ZNF333: variants seen among roughly 807,000 people sequenced by gnomAD.
ZNF333 encodes the protein zinc finger protein 333.
ZNF333 carries 61 observed loss-of-function variants against 76.1 expected under a neutral mutation model. The observed-to-expected ratio is 0.80, with a 90% CI of 0.65 to 0.99. The LOEUF is 0.99. Among genes scored for constraint, ZNF333 ranks in the 50% least tolerant of loss-of-function variants. The pLI is 0.00. For missense variants in ZNF333, 717 were observed against 822.4 expected (o/e 0.87, Z 1.57); for synonymous variants, 284 against 305.0 (o/e 0.93, Z 0.72).
intron 8 of ZNF333, 48 bp from the exon 9 acceptor site, chr19:14,716,064 A>G (rs1347518294): frequency 3.1e-6 from 5 of 1,609,842 alleles, no homozygotes; most frequent in East Asian, 2.2e-5. Flanking sequence ...CCTCTGGCGT[A>G]CTGGTGGGGG....
At chr19:14,708,121 C>T (rs191950978) in intron 7 of ZNF333, 817 of 391,706 alleles carry the variant, frequency 2.1e-3, no homozygotes, top group Non-Finnish European at 2.6e-3. Flanking sequence ...GATTTTCCTG[C>T]CTCAGCCTCC....
intron 2 of ZNF333, among the ~76,000 whole-genome samples, chr19:14,693,949 C>T (rs947150159): frequency 1.4e-5 from 2 of 144,922 alleles, no homozygotes; most frequent in Non-Finnish European, 3.0e-5. Context: ...CCCTGCACTC[C>T]AGCCTAAGCT....
At position 14,719,199 on chromosome 19, in the gene ZNF333, GA is replaced by G; in HGVS notation, c.1875del (p.Ala626ProfsTer48). 1 of 1,614,188 alleles carries G rather than the reference GA, an allele frequency of 6.2e-7. No homozygotes were observed. The highest frequency in any genetic ancestry group is 8.5e-7 in the Non-Finnish European group (1 of 1,180,038). Reference protein sequence around the residue: ...GRPYQCNQCEKAFRHSSSLTV... With the variant: ...GRPYQCNQCEXAFRHSSSLTV... ...GACCCTATCAATGTAATCAGTGTGA[GA>G]AAGCCTTCAGGCACAGCTCCTCACT... On this transcript the variant is annotated frameshift_variant, in exon 12 of 12. Transcript: ENST00000292530. LOFTEE classifies it high-confidence loss of function.
chr19:14,706,842 G>T (rs2042125225), intron 7 of ZNF333, 69 bp downstream of exon 7: 4 of 1,378,216 alleles, frequency 2.9e-6, no homozygotes, highest in Non-Finnish European at 4.1e-6. Flanking sequence ...CCAGGAACTT[G>T]TATCCTATCC....
chr19:14,701,463 A>T (rs1423237778), intron 5 of ZNF333: 2 of 546,394 alleles, frequency 3.7e-6, no homozygotes, highest in African/African-American at 2.1e-5. Flanking sequence ...CTCCCATTGC[A>T]GGGCATTCTG....
intron 11 of ZNF333, chr19:14,731,086 C>T: frequency 2.5e-6 from 3 of 1,206,994 alleles, no homozygotes; most frequent in Non-Finnish European, 3.5e-6. Flanking sequence ...ACCGCCCCTC[C>T]TGCCCCCTCC....
intron 5 of ZNF333, 121 bp downstream of exon 5, chr19:14,699,402 AC>A (rs778670273): frequency 6.9e-6 from 6 of 864,576 alleles, no homozygotes; most frequent in Non-Finnish European, 1.1e-5. Context: ...TGGAAGGGAA[AC>A]AGTGTCTGAG....
At chr19:14,706,349 A>G (rs976672622) in intron 6 of ZNF333, 8 of 388,952 alleles carry the variant, frequency 2.1e-5, no homozygotes, top group Non-Finnish European at 3.5e-5. Flanking sequence ...ACGCAGGTCC[A>G]CCTCCAAACT....
chr19:14,699,459 T>A, intron 5 of ZNF333, 178 bp downstream of exon 5: 1 of 548,114 alleles, frequency 1.8e-6, no homozygotes, highest in Non-Finnish European at 3.2e-6. Context: ...AGACTGTTGC[T>A]CAAGACTTTT....
intron 11 of ZNF333, among the ~76,000 whole-genome samples, chr19:14,730,690 G>T (rs146340787): frequency 1.6e-4 from 25 of 152,030 alleles, no homozygotes; most frequent in African/African-American, 5.8e-4. Context: ...AGATTCTGAG[G>T]GTACACGTTT....
At chr19:14,733,013 T>A (rs2042689846) in exon 12 of ZNF333, 1 of 152,210 alleles carries the variant, frequency 6.6e-6, no homozygotes, top group African/African-American at 2.4e-5. Context: ...GGGACCCACA[T>A]GTTCCAAGCC....
intron 7 of ZNF333, chr19:14,708,403 C>T (rs1371508026): frequency 7.5e-6 from 3 of 401,196 alleles, no homozygotes; most frequent in Non-Finnish European, 1.3e-5. Context: ...CCGACCCCTC[C>T]TCCGTGGAGC....
intron 7 of ZNF333, 60 bp downstream of exon 7, chr19:14,706,833 C>A: frequency 6.9e-7 from 1 of 1,449,302 alleles, no homozygotes; most frequent in Non-Finnish European, 9.6e-7. Flanking sequence ...GTGTTCTGTC[C>A]AGGAACTTGT....
intron 7 of ZNF333, chr19:14,715,132 T>C (rs2042389002): frequency 2.2e-6 from 1 of 449,754 alleles, no homozygotes; most frequent in African/African-American, 2.0e-5. Flanking sequence ...GCATGTGGTA[T>C]GTAACTGTGT....
intron 10 of ZNF333, 130 bp downstream of exon 10, chr19:14,717,219 T>A: frequency 1.5e-6 from 1 of 663,726 alleles, no homozygotes; most frequent in Non-Finnish European, 2.5e-6. Flanking sequence ...GCTCCCTTAT[T>A]AAATGCCACC....
intron 5 of ZNF333, chr19:14,701,753 G>A (rs2041963972): frequency 7.1e-6 from 7 of 985,436 alleles, no homozygotes; most frequent in South Asian, 4.7e-5. Flanking sequence ...AGAGTGGCAG[G>A]CATGGGGCTC....
chr19:14,726,702 T>G (rs2042634800), downstream of ZNF333, among the ~76,000 whole-genome samples: 1 of 152,200 alleles, frequency 6.6e-6, no homozygotes, highest in Non-Finnish European at 1.5e-5. Flanking sequence ...GACGCAATGC[T>G]GCCAGGTCCT....
chr19:14,732,881 T>C (rs896178324), exon 12 of ZNF333: 1 of 152,230 alleles, frequency 6.6e-6, no homozygotes, highest in Non-Finnish European at 1.5e-5. Context: ...AGTGGTAGAA[T>C]TGAGTTGCTG....
At chr19:14,723,336 A>C (rs1216825562), downstream of ZNF333, among the ~76,000 whole-genome samples, 1 of 152,316 alleles carries the variant, frequency 6.6e-6, no homozygotes, top group East Asian at 1.9e-4. Flanking sequence ...TTTTACAATA[A>C]ATTTTGAAAT....
Sources: gnomAD v4.1 joint callset for allele counts (sites outside exome capture counted in the v4.1 genomes callset) on GRCh38, gnomAD v4.1.1 for gene constraint, MANE v1.5 for transcripts, NCBI Gene and HGNC (gene_info 2026-07-23, HGNC 2026-07-21) for gene names.